Variants in PXDNL observed in about 807,000 individuals in gnomAD.
The protein encoded by PXDNL is probable oxidoreductase PXDNL.
In PXDNL, 145 loss-of-function variants were observed where a neutral mutation model predicts 150.8. The ratio of observed to expected loss-of-function variants is 0.96; its 90% confidence interval spans 0.84 to 1.10. The LOEUF is 1.10. Ranked by LOEUF, PXDNL falls within the 50% of genes least tolerant of loss-of-function variation. The pLI, the probability that PXDNL is intolerant of heterozygous loss-of-function variation, is 0.00. For missense variants in PXDNL, 2,087 were observed against 1,873.9 expected (o/e 1.11, Z -2.10); for synonymous variants, 757 against 725.7 (o/e 1.04, Z -0.69).
intron 16 of PXDNL, 122 bp downstream of exon 16, chr8:51,411,128 G>C: frequency 1.3e-6 from 1 of 785,876 alleles, no homozygotes; most frequent in South Asian, 4.5e-5. Context: ...TAAAAGTAGT[G>C]AGTAAATTAA....
intron 1 of PXDNL, among the ~76,000 whole-genome samples, chr8:51,738,072 A>G (rs934081646): frequency 6.6e-6 from 1 of 152,130 alleles, no homozygotes; most frequent in Admixed American, 6.5e-5. Context: ...CAGACACACC[A>G]AAGTCAGTAA....
chr8:51,737,397 A>C (rs1817060019), intron 1 of PXDNL, among the ~76,000 whole-genome samples: 1 of 152,246 alleles, frequency 6.6e-6, no homozygotes, highest in Admixed American at 6.5e-5. Context: ...GTGGGCAATG[A>C]CCAAGACTAC....
At chr8:51,369,552 T>C (rs560092993) in intron 19 of PXDNL, among the ~76,000 whole-genome samples, 182 of 152,322 alleles carry the variant, frequency 1.2e-3, no homozygotes, top group African/African-American at 4.3e-3. Context: ...GTAATGGTTC[T>C]CATTACAAAC....
At chr8:51,334,479 A>G (rs935014475) in intron 21 of PXDNL, among the ~76,000 whole-genome samples, 4 of 152,164 alleles carry the variant, frequency 2.6e-5, no homozygotes, top group African/African-American at 7.2e-5. Flanking sequence ...TCAGAGCAGA[A>G]CTAAACAAAA....
chr8:51,458,444 T>C (rs1809987206), intron 8 of PXDNL, among the ~76,000 whole-genome samples: 1 of 152,230 alleles, frequency 6.6e-6, no homozygotes. Context: ...TTTAAAAATA[T>C]TTAATGATTA....
intron 1 of PXDNL, among the ~76,000 whole-genome samples, chr8:51,808,058 C>A (rs2037696186): frequency 6.6e-6 from 1 of 152,190 alleles, no homozygotes; most frequent in African/African-American, 2.4e-5. Context: ...AAATGAAAAT[C>A]TATGGATAAT....
chr8:51,612,380 C>T (rs1471008959), intron 2 of PXDNL, among the ~76,000 whole-genome samples: 2 of 152,118 alleles, frequency 1.3e-5, no homozygotes, highest in Admixed American at 1.3e-4. Context: ...TAACAATCGC[C>T]ATCGAAAAGC....
chr8:51,613,290 A>T (rs1450721274), intron 2 of PXDNL, among the ~76,000 whole-genome samples: 1 of 151,916 alleles, frequency 6.6e-6, no homozygotes, highest in Non-Finnish European at 1.5e-5. Context: ...TTTAGGAGAG[A>T]ATATATTTGA....
intron 17 of PXDNL, among the ~76,000 whole-genome samples, chr8:51,388,533 A>G (rs1254076806): frequency 6.6e-6 from 1 of 152,110 alleles, no homozygotes; most frequent in Non-Finnish European, 1.5e-5. Context: ...CATACATTCT[A>G]CTTCCTAAGT....
At chr8:51,732,652 G>A (rs1816955998) in intron 1 of PXDNL, among the ~76,000 whole-genome samples, 1 of 152,168 alleles carries the variant, frequency 6.6e-6, no homozygotes, top group Non-Finnish European at 1.5e-5. Context: ...AAAGGAAAGA[G>A]GTTTAATGGA....
At chr8:51,600,930 A>AATTTATATAATAAATTATATC (rs1813705643) in intron 2 of PXDNL, among the ~76,000 whole-genome samples, 1 of 137,768 alleles carries the variant, frequency 7.3e-6, no homozygotes, top group Non-Finnish European at 1.5e-5. Flanking sequence ...TAAATTATAT[A>AATTTATATAATAAATTATATC]ATTTATATAA....
chr8:51,482,763 C>T (rs2130166923), intron 6 of PXDNL, among the ~76,000 whole-genome samples: 1 of 152,310 alleles, frequency 6.6e-6, no homozygotes, highest in African/African-American at 2.4e-5. Context: ...GCTCTCTCTT[C>T]ATCTTCTGCC....
chr8:51,638,526 A>G (rs948357528), intron 2 of PXDNL, among the ~76,000 whole-genome samples: 12 of 151,902 alleles, frequency 7.9e-5, no homozygotes, highest in Non-Finnish European at 1.6e-4. Flanking sequence ...CAAATAGAAA[A>G]CGAAAAAAGG....
At chr8:51,370,452 C>T (rs1232259763) in intron 19 of PXDNL, among the ~76,000 whole-genome samples, 1 of 152,188 alleles carries the variant, frequency 6.6e-6, no homozygotes, top group Non-Finnish European at 1.5e-5. Flanking sequence ...GCTCTCTGCT[C>T]CTCCAACATT....
rs538923518 is a variant in PXDNL, at chr8:51,419,957, C to A, written c.1795+3618G>T. On this transcript the variant is annotated intron_variant, in intron 14 of 22. Transcript: ENST00000356297. ...TAAACTGTTTACAAATCTATTAGCT[C>A]TAAAGGGAAAATGAGCTTTCTGAAA... Among the ~76,000 whole-genome samples the A allele has an allele frequency of 6.6e-5, 10 of 152,198 alleles. No homozygotes were observed. In the South Asian group the frequency reaches 2.1e-3, roughly 32 times the overall value.
Position 51,666,340 on chromosome 8 carries a change from C to T in PXDNL, c.165-11580G>A, listed in dbSNP as rs140129077. Among the ~76,000 whole-genome samples the T allele has an allele frequency of 5.6e-3, 852 of 152,250 alleles. 4 individuals carry two copies. Among genetic ancestry groups the T allele is most frequent in the Middle Eastern group, 0.014 (4 of 294 alleles). On this transcript the variant is annotated intron_variant, in intron 1 of 22. Coordinates refer to ENST00000356297, the MANE Select transcript of PXDNL (RefSeq NM_144651.5). ...CCTCTTCCCTCTTCCCTTGACCTTC[C>T]TTTAGCAATTCCATCCACTGTTTGG... is the stretch of plus-strand genomic sequence containing the variant.
At chr8:51,655,558 G>A (rs1262370371) in intron 1 of PXDNL, among the ~76,000 whole-genome samples, 1 of 152,092 alleles carries the variant, frequency 6.6e-6, no homozygotes, top group Non-Finnish European at 1.5e-5. Context: ...CCCTCTTTCA[G>A]TTGGAGAACG....
chr8:51,777,122 A>T (rs2037362029), intron 1 of PXDNL, among the ~76,000 whole-genome samples: 1 of 152,202 alleles, frequency 6.6e-6, no homozygotes, highest in Admixed American at 6.5e-5. Context: ...TGCCCATTTA[A>T]TATATGCAAA....
At chr8:51,589,501 G>A (rs1292240447) in intron 3 of PXDNL, among the ~76,000 whole-genome samples, 1 of 150,322 alleles carries the variant, frequency 6.7e-6, no homozygotes, top group Non-Finnish European at 1.5e-5. Context: ...CCAGAATGTT[G>A]ATAGAAATAT....
Sources: gnomAD v4.1 joint callset for allele counts (sites outside exome capture counted in the v4.1 genomes callset) on GRCh38, gnomAD v4.1.1 for gene constraint, MANE v1.5 for transcripts, NCBI Gene and HGNC (gene_info 2026-07-23, HGNC 2026-07-21) for gene names.